Variants in DNAH10 observed in about 807,000 individuals in gnomAD.
The protein encoded by DNAH10 is dynein axonemal heavy chain 10.
In DNAH10, 348 loss-of-function variants were observed where a neutral mutation model predicts 506.6. That is an observed-to-expected ratio of 0.69 (90% CI 0.63 to 0.75). The LOEUF is 0.75. DNAH10 is among the 30% of genes least tolerant of loss of function. DNAH10 has a pLI of 0.00. For synonymous variants in DNAH10, 2,059 were observed against 2,198.6 expected (o/e 0.94, Z 1.78); for missense variants, 5,179 against 5,787.1 (o/e 0.89, Z 3.41).
At chr12:123,930,102 G>A in intron 72 of DNAH10, 1 of 517,528 alleles carries the variant, frequency 1.9e-6, no homozygotes. Context: ...AGAAGCAGCT[G>A]CTGGCTTCTT....
At chr12:123,924,246 A>G in intron 66 of DNAH10, 32 bp from the exon 67 acceptor site, 1 of 1,583,326 alleles carries the variant, frequency 6.3e-7, no homozygotes, top group Non-Finnish European at 8.6e-7. Context: ...TAGTGGTACA[A>G]TGGCTGCTTG....
At chr12:123,865,399 C>T (rs950564070) in intron 40 of DNAH10, among the ~76,000 whole-genome samples, 15 of 152,240 alleles carry the variant, frequency 9.9e-5, no homozygotes, top group African/African-American at 3.6e-4. Flanking sequence ...GACTTGCTTT[C>T]ACTCTAGCTT....
chr12:123,881,701 C>T lies in DNAH10; in HGVS notation c.8711C>T (p.Thr2904Ile), dbSNP rs1467638261. 1 of 1,550,316 alleles carries T rather than the reference C, an allele frequency of 6.5e-7. No homozygotes were observed. Among genetic ancestry groups the T allele is most frequent in the South Asian group, 1.2e-5 (1 of 83,776 alleles). The change falls in exon 51 of 79, where the codon ACC (threonine) becomes ATC (isoleucine). Residue 2904 changes from threonine (T) to isoleucine (I), a missense_variant. Coordinates refer to ENST00000673944, the MANE Select transcript of DNAH10 (RefSeq NM_001372106.1). ...VLFDDALEHL[T>I]RVHRIIRMDR... Reference sequence around the variant, plus strand: ...TTCGACGATGCTCTGGAGCATTTAACCCGGGTGCACCGTATCATCCGCATG... The same window carrying T: ...TTCGACGATGCTCTGGAGCATTTAATCCGGGTGCACCGTATCATCCGCATG...
chr12:123,856,125 CATTTATAAATTTATATAATTT>C, intron 36 of DNAH10, among the ~76,000 whole-genome samples: 1 of 145,308 alleles, frequency 6.9e-6, no homozygotes, highest in Non-Finnish European at 1.5e-5. Flanking sequence ...ATTTTATATA[CATTTATAAATTTATATAATTT>C]ATAAATAATA....
At chr12:123,905,879 A>G (rs1181127692) in intron 57 of DNAH10, among the ~76,000 whole-genome samples, 1 of 150,374 alleles carries the variant, frequency 6.7e-6, no homozygotes, top group Admixed American at 6.6e-5. Context: ...TTTGCCATCT[A>G]TGTTTATTTT....
intron 51 of DNAH10, among the ~76,000 whole-genome samples, chr12:123,886,866 C>T (rs77050635): frequency 0.019 from 2,912 of 152,288 alleles, 49 homozygotes; most frequent in East Asian, 0.053. Flanking sequence ...GTGCGTCTTC[C>T]CACAGGGTCT....
intron 38 of DNAH10, among the ~76,000 whole-genome samples, chr12:123,860,438 G>A (rs1231709393): frequency 6.6e-6 from 1 of 152,212 alleles, no homozygotes; most frequent in Non-Finnish European, 1.5e-5. Context: ...ATGATTTACT[G>A]ATTCGTTGGT....
In DNAH10 at chr12:123,848,761, A is replaced by G. The variant is rs1297548119; in HGVS notation, c.5981A>G (p.Gln1994Arg). The change falls in exon 34 of 79, where the codon CAG becomes CGG. Residue 1994 changes from glutamine to arginine, a missense_variant. Physicochemically the swap from Gln to Arg is conservative, Grantham distance 43. Transcript: ENST00000673944. ...GGGAAGATTTTCTCTGGCCTGGCACAGTGCGGGGCTTGGGGCTGCTTTGAT... is the reference window on the plus strand; with the variant it reads ...GGGAAGATTTTCTCTGGCCTGGCACGGTGCGGGGCTTGGGGCTGCTTTGAT... The part of the protein sequence containing the change: ...AVGKIFSGLA[Q>R]CGAWGCFDEF... 1 of 1,614,018 alleles carries G rather than the reference A, an allele frequency of 6.2e-7. No homozygotes were observed. Among genetic ancestry groups the G allele is most frequent in the Non-Finnish European group, 8.5e-7 (1 of 1,179,886 alleles).
intron 27 of DNAH10, among the ~76,000 whole-genome samples, chr12:123,833,716 T>A (rs1344699488): frequency 6.6e-6 from 1 of 152,180 alleles, no homozygotes; most frequent in Non-Finnish European, 1.5e-5. Context: ...CTACACTTTT[T>A]AAAAAAATGT....
Position 123,893,353 on chromosome 12 carries a change from A to G in DNAH10, c.9116A>G (p.Asn3039Ser), listed in dbSNP as rs1953073191. 1 of 1,613,936 alleles carries G rather than the reference A, an allele frequency of 6.2e-7. No homozygotes were observed. The highest frequency in any genetic ancestry group is 1.7e-5 in the Admixed American group (1 of 60,010). ...AKESVWQYFVNKSANNLHIVL... is the reference protein window; with the variant it reads ...AKESVWQYFVSKSANNLHIVL... ...GAGTCTGTGTGGCAGTACTTCGTGAACAAAAGTGCAAATAACCTGCACATT... is the reference window on the plus strand; with the variant it reads ...GAGTCTGTGTGGCAGTACTTCGTGAGCAAAAGTGCAAATAACCTGCACATT... Residue 3039 changes from asparagine (N) to serine (S), a missense_variant, in exon 53 of 79, where the codon AAC becomes AGC. By Grantham distance (46) the Asn-to-Ser change is conservative (BLOSUM62 1). Around this residue, in one of 3 missense-constraint regions of DNAH10, gnomAD observed 4,844 missense variants for 5,430.5 expected, o/e 0.89. Coordinates refer to ENST00000673944, the MANE Select transcript of DNAH10 (RefSeq NM_001372106.1).
rs1270031158 is a variant in DNAH10 at position 123,785,269 on chromosome 12, C to T, written c.1231-477C>T. On this transcript the variant is annotated intron_variant, in intron 8 of 78. Transcript: ENST00000673944. The surrounding 1 kb of genome is among the most constrained non-coding windows in gnomAD (Gnocchi z 4.1). ...CTTGTTATCGTCTTTCTGATAATAG[C>T]CATTGTGGTTTAATTTGCATTTCCT... Among the ~76,000 whole-genome samples, 2 of 152,122 alleles carry T rather than the reference C, an allele frequency of 1.3e-5. No individual in the cohort carries two copies. Among genetic ancestry groups the T allele is most frequent in the East Asian group, 3.8e-4 (2 of 5,196 alleles).
intron 18 of DNAH10, among the ~76,000 whole-genome samples, chr12:123,807,181 A>C (rs1339084405): frequency 1.4e-5 from 2 of 146,890 alleles, no homozygotes; most frequent in African/African-American, 5.1e-5. Flanking sequence ...CCACACATTC[A>C]TCCCCACATC....
At position 123,879,337 on chromosome 12, in the gene DNAH10, A is replaced by C. The variant is rs878924452; in HGVS notation, c.8446A>C (p.Ser2816Arg). 8.9e-6 allele frequency: 14 copies of C among 1,570,430 alleles called. No homozygotes were observed. In the South Asian group the frequency reaches 1.6e-4, roughly 18 times the overall value. Residue 2816 changes from serine (S) to arginine (R), a missense_variant, in exon 49 of 79, where the codon AGT becomes CGT. Ser to Arg is a moderately radical substitution (Grantham distance 110, BLOSUM62 -1). Transcript: ENST00000673944. Reference protein sequence around the residue: ...CLRVFHDRLISETDKQLVQQH... With the variant: ...CLRVFHDRLIRETDKQLVQQH... ...GAGAGTCTTCCACGACCGGCTGATCAGTGAAACAGACAAGCAGCTGGTCAG... is the reference window on the plus strand; with the variant it reads ...GAGAGTCTTCCACGACCGGCTGATCCGTGAAACAGACAAGCAGCTGGTCAG...
rs1954343383 is a variant in DNAH10 at position 123,913,858 on chromosome 12, T to C, written c.10353-471T>C. On this transcript the variant is annotated intron_variant, in intron 60 of 78. Coordinates refer to ENST00000673944, the MANE Select transcript of DNAH10 (RefSeq NM_001372106.1). This position sits in a 1 kb window ranked among gnomAD's most constrained non-coding sequence, Gnocchi z 5.1. ...TGTAGAAAACACTGAAAAATGTTGTTTGCGTGTGGGAAACAATTTTCAGTA... is the reference window on the plus strand; with the variant it reads ...TGTAGAAAACACTGAAAAATGTTGTCTGCGTGTGGGAAACAATTTTCAGTA... 6.6e-6 allele frequency among the ~76,000 whole-genome samples: 1 copy of C among 152,212 alleles called. No homozygotes were observed. The highest frequency in any genetic ancestry group is 2.4e-5 in the African/African-American group (1 of 41,446).
chr12:123,788,932 A>C (rs1005802346), intron 10 of DNAH10, among the ~76,000 whole-genome samples: 1 of 151,740 alleles, frequency 6.6e-6, no homozygotes, highest in Non-Finnish European at 1.5e-5. Context: ...TTCAAAAAAA[A>C]AAAAAAAAAA....
intron 5 of DNAH10, among the ~76,000 whole-genome samples, chr12:123,774,528 C>G (rs1277070587): frequency 6.6e-6 from 1 of 152,088 alleles, no homozygotes; most frequent in African/African-American, 2.4e-5. Context: ...AGAGATTTAC[C>G]CACATATTTA....
At chr12:123,868,189 A>G in intron 43 of DNAH10, 70 bp downstream of exon 43, 1 of 1,330,158 alleles carries the variant, frequency 7.5e-7, no homozygotes, top group South Asian at 1.4e-5. Context: ...GAAGTGAATG[A>G]GCTTTTCCAT....
At chr12:123,868,298 T>A (rs1390101211) in intron 43 of DNAH10, among the ~76,000 whole-genome samples, 179 bp downstream of exon 43, 2 of 152,194 alleles carry the variant, frequency 1.3e-5, no homozygotes. Context: ...TTCACATGCA[T>A]TGACTGCTGT....
intron 34 of DNAH10, 74 bp downstream of exon 34, chr12:123,848,956 G>A: frequency 6.4e-7 from 1 of 1,560,016 alleles, no homozygotes; most frequent in South Asian, 1.2e-5. Flanking sequence ...TTCCTCTGTA[G>A]CGTCAGTTTC....
Sources: allele counts gnomAD v4.1 joint callset (sites outside exome capture counted in the v4.1 genomes callset), GRCh38; gene constraint gnomAD v4.1.1; regional missense constraint gnomAD v4.1.1; non-coding constraint Gnocchi (gnomAD v3.1); transcripts MANE v1.5; gene names NCBI Gene and HGNC (gene_info 2026-07-23, HGNC 2026-07-21).